AFF3: variants seen among roughly 807,000 people sequenced by gnomAD.
AFF3 encodes ALF transcription elongation factor 3.
In AFF3, 32 loss-of-function variants were observed where a neutral mutation model predicts 129.7. The observed-to-expected ratio is 0.25, with a 90% CI of 0.19 to 0.33. AFF3 has a LOEUF of 0.33. AFF3 is among the 10% of genes least tolerant of loss of function. AFF3 has a pLI of 1.00. For synonymous variants in AFF3, 644 were observed against 635.4 expected, an observed-to-expected ratio of 1.01 and a Z score of -0.20; for missense variants, 1,373 against 1,592.0, an observed-to-expected ratio of 0.86 and a Z score of 2.34.
intron 11 of AFF3, among the ~76,000 whole-genome samples, chr2:99,705,583 C>T (rs1437964739): frequency 6.6e-6 from 1 of 151,938 alleles, no homozygotes; most frequent in Non-Finnish European, 1.5e-5. Flanking sequence ...ATTAAAAAAC[C>T]TTTGGGTTGG....
At chr2:99,954,980 AT>A (rs1439818674) in intron 7 of AFF3, among the ~76,000 whole-genome samples, 36 of 152,128 alleles carry the variant, frequency 2.4e-4, no homozygotes, top group African/African-American at 7.7e-4. Flanking sequence ...TACAAAAAAA[AT>A]AAATAAATAA....
intron 4 of AFF3, among the ~76,000 whole-genome samples, chr2:100,095,032 C>T (rs1242175765): frequency 1.0e-3 from 139 of 136,504 alleles, no homozygotes; most frequent in African/African-American, 3.7e-3. Context: ...TCATCAGTAG[C>T]TTTTTCTATT....
intron 2 of AFF3, among the ~76,000 whole-genome samples, chr2:100,116,172 G>GTT (rs1363448889): frequency 6.6e-6 from 1 of 151,664 alleles, no homozygotes; most frequent in East Asian, 1.9e-4. Flanking sequence ...CTTTCCTTGG[G>GTT]TTTATGTTTG....
At chr2:99,883,713 A>T (rs962144664) in intron 7 of AFF3, among the ~76,000 whole-genome samples, 1 of 152,168 alleles carries the variant, frequency 6.6e-6, no homozygotes, top group African/African-American at 2.4e-5. Flanking sequence ...TTCCCAACTG[A>T]AACATCCTAA....
chr2:99,905,533 G>GA (rs1296614274), intron 7 of AFF3, among the ~76,000 whole-genome samples: 1 of 152,170 alleles, frequency 6.6e-6, no homozygotes, highest in African/African-American at 2.4e-5. Context: ...TGCCAAGGAG[G>GA]AACCACACTG....
intron 11 of AFF3, among the ~76,000 whole-genome samples, chr2:99,680,283 A>ATCTTC (rs1674404177): frequency 6.6e-6 from 1 of 152,240 alleles, no homozygotes; most frequent in Admixed American, 6.5e-5. Context: ...TTTCTCCCTG[A>ATCTTC]AGATGGGTTT....
intron 12 of AFF3, among the ~76,000 whole-genome samples, chr2:99,670,504 T>C (rs1441178247): frequency 1.3e-5 from 2 of 149,820 alleles, no homozygotes; most frequent in Non-Finnish European, 3.0e-5. Flanking sequence ...TGTTCAATTA[T>C]CTCAGAATGC....
chr2:99,622,748 G>A (rs1682148960), intron 13 of AFF3, among the ~76,000 whole-genome samples: 1 of 152,242 alleles, frequency 6.6e-6, no homozygotes, highest in Non-Finnish European at 1.5e-5. Flanking sequence ...CATCAGTGCT[G>A]GAGGACAAGG....
At chr2:99,732,896 A>G (rs1035230682) in intron 10 of AFF3, among the ~76,000 whole-genome samples, 1 of 72,290 alleles carries the variant, frequency 1.4e-5, no homozygotes, top group African/African-American at 3.5e-5. Context: ...AATAATGTAG[A>G]ATATAATTTT....
chr2:99,844,554 C>T (rs1689588205), intron 7 of AFF3, among the ~76,000 whole-genome samples: 1 of 150,306 alleles, frequency 6.7e-6, no homozygotes, highest in South Asian at 2.1e-4. Context: ...TCTCCTGCCT[C>T]AGCCTCCTGA....
intron 7 of AFF3, among the ~76,000 whole-genome samples, chr2:99,980,522 T>C (rs549544695): frequency 1.3e-5 from 2 of 152,242 alleles, no homozygotes; most frequent in African/African-American, 2.4e-5. Context: ...ATGAAAGGAT[T>C]TGATTTGTGG....
intron 11 of AFF3, among the ~76,000 whole-genome samples, chr2:99,689,235 C>A (rs533142844): frequency 1.3e-5 from 2 of 152,268 alleles, no homozygotes; most frequent in South Asian, 4.1e-4. Flanking sequence ...AAATTCCTAA[C>A]ACTGGCTGCT....
At chr2:100,108,253 C>T (rs985121301) in intron 2 of AFF3, among the ~76,000 whole-genome samples, 11 of 152,184 alleles carry the variant, frequency 7.2e-5, no homozygotes, top group African/African-American at 2.2e-4. Context: ...CCCAGGACAG[C>T]GTAGATTTTA....
intron 9 of AFF3, among the ~76,000 whole-genome samples, chr2:99,746,466 G>A (rs774566486): frequency 2.6e-5 from 4 of 152,064 alleles, no homozygotes; most frequent in East Asian, 3.9e-4. Flanking sequence ...AAATTGAGAC[G>A]GGAAGGGATT....
chr2:99,876,596 G>A (rs899086608), intron 7 of AFF3, among the ~76,000 whole-genome samples: 1 of 152,058 alleles, frequency 6.6e-6, no homozygotes, highest in East Asian at 1.9e-4. Context: ...GAACCCAGAG[G>A]AGTCTCTGTA....
chr2:99,709,173 T>C (rs146820826), intron 11 of AFF3, among the ~76,000 whole-genome samples: 1 of 152,264 alleles, frequency 6.6e-6, no homozygotes, highest in Non-Finnish European at 1.5e-5. Context: ...GAGGATCACT[T>C]AAGCCCAGGA....
intron 8 of AFF3, among the ~76,000 whole-genome samples, chr2:99,777,703 A>G (rs929303761): frequency 3.9e-5 from 6 of 152,004 alleles, no homozygotes; most frequent in African/African-American, 1.4e-4. Context: ...CAGGCTTTCT[A>G]CCTGGTTCCT....
chr2:99,645,161 C>G (rs75360427), intron 13 of AFF3, among the ~76,000 whole-genome samples: 1 of 151,928 alleles, frequency 6.6e-6, no homozygotes, highest in African/African-American at 2.4e-5. Flanking sequence ...ATGGTGAAGC[C>G]CCCCCTCTAC....
At chr2:99,843,114 C>T (rs962686598) in intron 7 of AFF3, among the ~76,000 whole-genome samples, 7 of 152,184 alleles carry the variant, frequency 4.6e-5, no homozygotes, top group African/African-American at 1.2e-4. Flanking sequence ...ACCTGACATA[C>T]AAAAAGTTAG....
Sources: gnomAD v4.1 joint callset for allele counts (sites outside exome capture counted in the v4.1 genomes callset) on GRCh38, gnomAD v4.1.1 for gene constraint, MANE v1.5 for transcripts, NCBI Gene and HGNC (gene_info 2026-07-23, HGNC 2026-07-21) for gene names.